LRP8: variants seen among roughly 807,000 people sequenced by gnomAD.
The protein encoded by LRP8 is LDL receptor related protein 8.
Under a neutral mutation model 111.6 loss-of-function variants are expected in LRP8, and 46 were observed. The ratio of observed to expected loss-of-function variants is 0.41; its 90% CI spans 0.33 to 0.53. LRP8 has a LOEUF of 0.53. Ranked by LOEUF, LRP8 falls within the 20% of genes least tolerant of loss-of-function variation. LRP8 has a pLI of 0.20. For synonymous variants in LRP8, 464 were observed against 511.2 expected, an observed-to-expected ratio of 0.91 and a Z score of 1.24; for missense variants, 959 against 1,297.4, an observed-to-expected ratio of 0.74 and a Z score of 4.01.
intron 6 of LRP8, among the ~76,000 whole-genome samples, chr1:53,273,986 A>AAAAAAC (rs1557783184): frequency 3.9e-5 from 6 of 151,982 alleles, no homozygotes; most frequent in Non-Finnish European, 8.8e-5. Context: ...ACAAAAAAAA[A>AAAAAAC]CTCATGAACC....
intron 6 of LRP8, chr1:53,272,481 T>C: frequency 4.3e-6 from 4 of 924,640 alleles, no homozygotes; most frequent in South Asian, 1.5e-5. Context: ...AGCCAAGCAG[T>C]GCTGAGCTGA....
intron 2 of LRP8, among the ~76,000 whole-genome samples, chr1:53,310,822 G>A (rs925020678): frequency 6.6e-6 from 1 of 152,184 alleles, no homozygotes; most frequent in Non-Finnish European, 1.5e-5. Context: ...CATACAATGG[G>A]CCCCTCCTCT....
chr1:53,319,517 C>A (rs941540461), intron 2 of LRP8, among the ~76,000 whole-genome samples: 2 of 152,196 alleles, frequency 1.3e-5, no homozygotes, highest in Non-Finnish European at 1.5e-5. Flanking sequence ...GAGAGCATGC[C>A]GCATTCTATG....
intron 2 of LRP8, among the ~76,000 whole-genome samples, chr1:53,320,549 T>A (rs1468722559): frequency 6.6e-6 from 1 of 152,218 alleles, no homozygotes; most frequent in Admixed American, 6.5e-5. Context: ...TGACACTCCC[T>A]GAGGTCATGT....
At chr1:53,325,295 C>T (rs755345204) in intron 2 of LRP8, among the ~76,000 whole-genome samples, 4 of 152,240 alleles carry the variant, frequency 2.6e-5, no homozygotes, top group Non-Finnish European at 1.5e-5. Context: ...GGTAACTTCA[C>T]AGTTCAGTGC....
chr1:53,316,571 G>A (rs1653836046), intron 2 of LRP8, among the ~76,000 whole-genome samples: 1 of 152,224 alleles, frequency 6.6e-6, no homozygotes. Context: ...TCAGAGAACA[G>A]GGCCAGCTCC....
At chr1:53,319,772 G>C (rs1654262799) in intron 2 of LRP8, among the ~76,000 whole-genome samples, 1 of 152,260 alleles carries the variant, frequency 6.6e-6, no homozygotes, top group African/African-American at 2.4e-5. Flanking sequence ...CCGCTGCCGG[G>C]GGACCCAGCT....
At chr1:53,309,333 C>G (rs1652576579) in intron 2 of LRP8, among the ~76,000 whole-genome samples, 1 of 152,212 alleles carries the variant, frequency 6.6e-6, no homozygotes, top group Admixed American at 6.5e-5. Context: ...CCACCCCACT[C>G]CCCATAAGCA....
rs374060187 is a variant in LRP8 at position 53,283,252 on chromosome 1, C to T, written c.368-2537G>A. Among the ~76,000 whole-genome samples the T allele has an allele frequency of 9.7e-4, 147 of 152,170 alleles. 1 individual carries two copies. The highest frequency in any genetic ancestry group is 3.3e-3 in the African/African-American group (135 of 41,474). On this transcript the variant is annotated intron_variant, in intron 3 of 18. Coordinates refer to ENST00000306052, the MANE Select transcript of LRP8 (RefSeq NM_004631.5). ...GCAAGGAGGTGCAGTCTATGAGGAA[C>T]GGGCCCTCACCAGACACGGAAACTG...
intron 2 of LRP8, among the ~76,000 whole-genome samples, chr1:53,322,247 G>A (rs1471893992): frequency 6.6e-6 from 1 of 152,162 alleles, no homozygotes; most frequent in South Asian, 2.1e-4. Context: ...TCCAGGAGGC[G>A]ACAGCTGGGA....
intron 3 of LRP8, 117 bp from the exon 4 acceptor site, chr1:53,280,832 C>T: frequency 1.6e-6 from 2 of 1,263,602 alleles, no homozygotes; most frequent in South Asian, 2.9e-5. Context: ...TCCATCAGGG[C>T]TCTTCTGGCC....
At chr1:53,248,572 A>T (rs553486980) in intron 18 of LRP8, among the ~76,000 whole-genome samples, 12 of 152,252 alleles carry the variant, frequency 7.9e-5, no homozygotes, top group Admixed American at 5.9e-4. Flanking sequence ...TTCAATTTCT[A>T]TGAGTCTCAG....
chr1:53,314,608 A>G (rs1187882310), intron 2 of LRP8, among the ~76,000 whole-genome samples: 1 of 152,178 alleles, frequency 6.6e-6, no homozygotes, highest in Non-Finnish European at 1.5e-5. Flanking sequence ...CAGATCTGGG[A>G]TTGACAGAAG....
intron 9 of LRP8, among the ~76,000 whole-genome samples, chr1:53,265,230 C>A (rs576539645): frequency 1.3e-5 from 2 of 152,290 alleles, no homozygotes; most frequent in African/African-American, 4.8e-5. Context: ...TCTTCTTGCC[C>A]TCTCTCTGGG....
rs7553694 is a variant in LRP8, at chr1:53,249,062, T to A, written c.2853+318A>T. ...CTTCAAAAACTGGTCAAGCAACTATTTTTTTGGACTGGCCGAGGTTAAGGA... is the reference window on the plus strand; with the variant it reads ...CTTCAAAAACTGGTCAAGCAACTATATTTTTGGACTGGCCGAGGTTAAGGA... On this transcript the variant is annotated intron_variant, in intron 18 of 18. Coordinates refer to ENST00000306052, the MANE Select transcript of LRP8 (RefSeq NM_004631.5). This position sits in a 1 kb window ranked among gnomAD's most constrained non-coding sequence, Gnocchi z 4.1. Among the ~76,000 whole-genome samples the A allele has an allele frequency of 2.7e-3, 407 of 152,314 alleles. 3 individuals are homozygous for A. The highest frequency in any genetic ancestry group is 9.5e-3 in the African/African-American group (396 of 41,554).
At chr1:53,316,930 G>T (rs1653886902) in intron 2 of LRP8, among the ~76,000 whole-genome samples, 1 of 152,162 alleles carries the variant, frequency 6.6e-6, no homozygotes, top group Admixed American at 6.5e-5. Context: ...ACGGCCTGGT[G>T]GGGAGGCGGG....
intron 16 of LRP8, among the ~76,000 whole-genome samples, chr1:53,251,772 G>A (rs1246394609): frequency 2.6e-5 from 4 of 151,966 alleles, no homozygotes; most frequent in Admixed American, 2.0e-4. Context: ...GCCCAGGTGC[G>A]GTGGCTCACG....
chr1:53,295,982 C>G (rs191920695), intron 2 of LRP8, among the ~76,000 whole-genome samples: 2 of 152,314 alleles, frequency 1.3e-5, no homozygotes, highest in African/African-American at 4.8e-5. Context: ...GTCTCTGGGC[C>G]AGCCCCACTA....
At chr1:53,290,848 G>A (rs755059321) in intron 2 of LRP8, among the ~76,000 whole-genome samples, 4 of 152,058 alleles carry the variant, frequency 2.6e-5, no homozygotes, top group Admixed American at 6.6e-5. Context: ...GTGGGGGTGC[G>A]GGGGTGTTGG....
Sources: allele counts gnomAD v4.1 joint callset (sites outside exome capture counted in the v4.1 genomes callset), GRCh38; gene constraint gnomAD v4.1.1; non-coding constraint Gnocchi (gnomAD v3.1); transcripts MANE v1.5; gene names NCBI Gene and HGNC (gene_info 2026-07-23, HGNC 2026-07-21).